Variants in NEXMIF observed in about 807,000 individuals in gnomAD.
The protein encoded by NEXMIF is neurite extension and migration factor, also known as XLMR protein related to neurite extension.
Under a neutral mutation model 62.1 loss-of-function variants are expected in NEXMIF, and 8 were observed. The ratio of observed to expected loss-of-function variants is 0.13; its 90% confidence interval spans 0.08 to 0.23. NEXMIF has a LOEUF of 0.23. NEXMIF is among the 10% of genes least tolerant of loss of function. The pLI is 1.00. For missense variants in NEXMIF, 976 were observed against 1,113.3 expected (o/e 0.88, Z 1.75); for synonymous variants, 404 against 416.6 (o/e 0.97, Z 0.37).
chrX:74,806,165 T>C (rs901262766), intron 1 of NEXMIF, among the ~76,000 whole-genome samples: 2 of 111,885 alleles, frequency 1.8e-5, no homozygotes, highest in Non-Finnish European at 3.8e-5. Context: ...TAAACTCAAA[T>C]GAAGTTCAAC....
chrX:74,790,948 C>T (rs1180382105), intron 1 of NEXMIF, among the ~76,000 whole-genome samples: 1 of 110,633 alleles, frequency 9.0e-6, no homozygotes, highest in Non-Finnish European at 1.9e-5. Context: ...TTCCTCTTTT[C>T]CTAATTGAAT....
At chrX:74,817,629 T>C (rs1287129792) in intron 1 of NEXMIF, among the ~76,000 whole-genome samples, 1 of 111,762 alleles carries the variant, frequency 8.9e-6, no homozygotes, top group Non-Finnish European at 1.9e-5. Context: ...TGTTTCCCTA[T>C]AGCTTCTGCC....
At chrX:74,739,754 T>C (rs1011429289) in intron 3 of NEXMIF, among the ~76,000 whole-genome samples, 2 of 110,607 alleles carry the variant, frequency 1.8e-5, no homozygotes, top group Non-Finnish European at 3.8e-5. Flanking sequence ...TCAAAATCTG[T>C]CTTACTGCAA....
intron 1 of NEXMIF, among the ~76,000 whole-genome samples, chrX:74,816,733 C>T (rs936197677): frequency 9.0e-6 from 1 of 111,580 alleles, no homozygotes; most frequent in Non-Finnish European, 1.9e-5. Context: ...TATCCTTAAC[C>T]CTGAAATTTC....
intron 1 of NEXMIF, among the ~76,000 whole-genome samples, chrX:74,845,190 A>T (rs1001606538): frequency 2.7e-5 from 3 of 111,258 alleles, no homozygotes; most frequent in African/African-American, 9.8e-5. Flanking sequence ...GGAGTGACAT[A>T]GAGTATTAGA....
At chrX:74,872,994 TTTA>T (rs1450132885) in intron 1 of NEXMIF, among the ~76,000 whole-genome samples, 2 of 109,710 alleles carry the variant, frequency 1.8e-5, no homozygotes, top group Non-Finnish European at 3.8e-5. Context: ...AATTAATTAA[TTTA>T]TTATTATTAT....
chrX:74,742,394 T>A lies in NEXMIF; in HGVS notation c.2163A>T (p.Lys721Asn). The change falls in exon 3 of 4, where the codon AAA becomes AAT. Residue 721 changes from lysine (K) to asparagine (N), a missense_variant. By Grantham distance (94) the Lys-to-Asn change is moderately conservative. Around this residue, in one of 5 missense-constraint regions of NEXMIF, gnomAD observed 639 missense variants for 694.5 expected, o/e 0.92. Coordinates refer to ENST00000055682, the MANE Select transcript of NEXMIF (RefSeq NM_001008537.3). ...GPERKVLNKI[K>N]FKSEARLKSK... ...ATTTTAACCTAGCTTCACTTTTAAA[T>A]TTGATTTTATTGAGCACTTTCCTCT... 8.3e-7 allele frequency: 1 copy of A among 1,211,431 alleles called. No individual in the cohort carries two copies. Among genetic ancestry groups the A allele is most frequent in the Non-Finnish European group, 1.1e-6 (1 of 895,406 alleles).
chrX:74,901,450 T>G (rs1003022389), intron 1 of NEXMIF, among the ~76,000 whole-genome samples: 2 of 111,847 alleles, frequency 1.8e-5, no homozygotes, highest in Non-Finnish European at 3.8e-5. Context: ...ACAAAGCACC[T>G]GTGAGGCACA....
At position 74,786,065 on chromosome X, in the gene NEXMIF, C is replaced by T. The variant is rs1196252366; in HGVS notation, c.-47-40368G>A. 5.4e-5 allele frequency among the ~76,000 whole-genome samples: 6 copies of T among 111,964 alleles called. No individual in the cohort carries two copies. In the East Asian group the frequency reaches 1.1e-3, roughly 21 times the overall value. ...TTATCCCCAACACTAAAATCTCATT[C>T]GGTGGGTTTTAAGGCCCTGGGATGA... is the stretch of plus-strand genomic sequence containing the variant. On this transcript the variant is annotated intron_variant, in intron 1 of 3. Coordinates refer to ENST00000055682, the MANE Select transcript of NEXMIF (RefSeq NM_001008537.3).
At chrX:74,804,704 G>A (rs1009801164) in intron 1 of NEXMIF, among the ~76,000 whole-genome samples, 1 of 111,627 alleles carries the variant, frequency 9.0e-6, no homozygotes, top group Non-Finnish European at 1.9e-5. Context: ...CACAAGCTGC[G>A]CAGTCTGGGG....
intron 1 of NEXMIF, among the ~76,000 whole-genome samples, chrX:74,793,586 CAT>C (rs1569344385): frequency 9.0e-6 from 1 of 111,011 alleles, no homozygotes; most frequent in African/African-American, 3.3e-5. Flanking sequence ...AACTTGGTTC[CAT>C]TCTCCCCGTC....
chrX:74,745,656 T>C lies in NEXMIF; in HGVS notation c.-6A>G, dbSNP rs778377942. ...TTATCTTGTTGGTTATCCATGAATA[T>C]AACCTCTTATTGTTTCATTCCAAGT... On this transcript the variant is annotated 5_prime_UTR_variant, in exon 2 of 4. Coordinates refer to ENST00000055682, the MANE Select transcript of NEXMIF (RefSeq NM_001008537.3). 1.8e-6 allele frequency: 2 copies of C among 1,120,761 alleles called. No individual in the cohort carries two copies. Among genetic ancestry groups the C allele is most frequent in the Non-Finnish European group, 2.5e-6 (2 of 812,605 alleles). The allele number at this position is 1,120,761 out of a possible 1,213,427, so 92.4% of individuals were successfully genotyped here. A position where few individuals can be genotyped will look rare whatever the true frequency, so the allele number is the denominator to read the frequency against.
chrX:74,817,289 T>C (rs868818894), intron 1 of NEXMIF, among the ~76,000 whole-genome samples: 1 of 112,036 alleles, frequency 8.9e-6, no homozygotes, highest in African/African-American at 3.2e-5. Flanking sequence ...ATTAATGCCA[T>C]GGCCTAAGTC....
intron 1 of NEXMIF, among the ~76,000 whole-genome samples, chrX:74,790,203 GT>G (rs1233369500): frequency 9.1e-6 from 1 of 109,406 alleles, no homozygotes. Flanking sequence ...TGGCTAGTCA[GT>G]TTTCCCAGCA....
intron 1 of NEXMIF, among the ~76,000 whole-genome samples, chrX:74,898,307 C>A (rs1293677321): frequency 9.0e-6 from 1 of 111,574 alleles, no homozygotes; most frequent in Non-Finnish European, 1.9e-5. Flanking sequence ...CACATTACCC[C>A]AGTCTAATCA....
intron 1 of NEXMIF, among the ~76,000 whole-genome samples, chrX:74,900,268 G>A (rs1345010177): frequency 9.1e-6 from 1 of 109,862 alleles, no homozygotes; most frequent in Non-Finnish European, 1.9e-5. Flanking sequence ...ATCAAGACCA[G>A]CCTGGACAAC....
intron 1 of NEXMIF, among the ~76,000 whole-genome samples, chrX:74,843,493 C>A (rs1480205292): frequency 9.1e-6 from 1 of 109,858 alleles, no homozygotes; most frequent in East Asian, 2.9e-4. Flanking sequence ...CGGCTTACTG[C>A]AACCTCCACC....
intron 1 of NEXMIF, among the ~76,000 whole-genome samples, chrX:74,875,084 G>A (rs770668250): frequency 9.0e-6 from 1 of 111,696 alleles, no homozygotes; most frequent in Admixed American, 9.5e-5. Context: ...TTTTCAAAGG[G>A]AATGCTTCCA....
intron 1 of NEXMIF, among the ~76,000 whole-genome samples, chrX:74,799,259 G>C (rs2080321784): frequency 1.8e-5 from 2 of 111,151 alleles, no homozygotes; most frequent in African/African-American, 6.5e-5. Flanking sequence ...ATTGTTATCT[G>C]TGTGTAGCAG....
Sources: gnomAD v4.1 joint callset for allele counts (sites outside exome capture counted in the v4.1 genomes callset) on GRCh38, gnomAD v4.1.1 for gene constraint, gnomAD v4.1.1 regional missense constraint, MANE v1.5 for transcripts, NCBI Gene and HGNC (gene_info 2026-07-23, HGNC 2026-07-21) for gene names.